The following SORBS2 variants were observed in gnomAD, a reference collection of about 807,000 sequenced individuals.
The protein encoded by SORBS2 is sorbin and SH3 domain containing 2.
SORBS2 carries 46 observed loss-of-function variants against 97.7 expected under a neutral mutation model. The observed-to-expected ratio is 0.47, with a 90% CI of 0.37 to 0.60. The LOEUF is 0.60. Among genes scored for constraint, SORBS2 ranks in the 20% least tolerant of loss-of-function variants. The probability of loss-of-function intolerance (pLI) is 0.00; values close to 1 mark genes in which losing one functional copy is unlikely to be tolerated. For synonymous variants in SORBS2, 476 were observed against 473.4 expected (o/e 1.01, Z -0.07); for missense variants, 1,316 against 1,282.3 (o/e 1.03, Z -0.40).
intron 2 of SORBS2, among the ~76,000 whole-genome samples, chr4:185,686,851 G>T (rs1390046729): frequency 6.6e-6 from 1 of 152,232 alleles, no homozygotes; most frequent in Non-Finnish European, 1.5e-5. Context: ...TCATGAGGGT[G>T]TTGGGGGGTA....
intron 1 of SORBS2, among the ~76,000 whole-genome samples, chr4:185,925,249 C>T (rs553221490): frequency 6.6e-6 from 1 of 152,124 alleles, no homozygotes; most frequent in African/African-American, 2.4e-5. Flanking sequence ...GAGAATATAT[C>T]CTCTAATGCC....
intron 1 of SORBS2, among the ~76,000 whole-genome samples, chr4:185,777,368 T>C (rs1199104778): frequency 6.6e-6 from 1 of 152,232 alleles, no homozygotes; most frequent in African/African-American, 2.4e-5. Flanking sequence ...ATGGTAATTC[T>C]ACTGGTAATA....
At chr4:185,720,588 T>A (rs2098504917) in intron 2 of SORBS2, among the ~76,000 whole-genome samples, 1 of 152,128 alleles carries the variant, frequency 6.6e-6, no homozygotes, top group Non-Finnish European at 1.5e-5. Flanking sequence ...CTTCCTTCCT[T>A]CCATGTATCT....
At chr4:185,745,636 G>A (rs1247286809) in intron 2 of SORBS2, among the ~76,000 whole-genome samples, 2 of 152,160 alleles carry the variant, frequency 1.3e-5, no homozygotes, top group Admixed American at 6.5e-5. Flanking sequence ...AGAATACTTA[G>A]ATTAATACTT....
At chr4:185,827,792 CCAT>C (rs1344955284) in intron 1 of SORBS2, among the ~76,000 whole-genome samples, 8 of 95,388 alleles carry the variant, frequency 8.4e-5, no homozygotes, top group Admixed American at 2.2e-4. Context: ...ATCATCGTCA[CCAT>C]CATCGTCATC....
chr4:185,859,414 C>G (rs916247409), intron 1 of SORBS2, among the ~76,000 whole-genome samples: 1 of 152,176 alleles, frequency 6.6e-6, no homozygotes, highest in African/African-American at 2.4e-5. Context: ...TCACACCCTG[C>G]GTTTCCCACA....
chr4:185,679,168 G>T (rs965631020), intron 2 of SORBS2, among the ~76,000 whole-genome samples: 1 of 152,102 alleles, frequency 6.6e-6, no homozygotes, highest in Admixed American at 6.5e-5. Flanking sequence ...TTTATAAACA[G>T]CACTAACTCA....
intron 2 of SORBS2, among the ~76,000 whole-genome samples, chr4:185,753,688 A>T (rs985772020): frequency 6.6e-6 from 1 of 152,212 alleles, no homozygotes; most frequent in African/African-American, 2.4e-5. Context: ...TGTCCAAAAG[A>T]CATACATGTA....
At position 185,775,395 on chromosome 4, in the gene SORBS2, A is replaced by C. The variant is rs2098994821; in HGVS notation, c.-337-29T>G. 6.6e-6 allele frequency: 1 copy of C among 152,584 alleles called. No individual in the cohort carries two copies. Among genetic ancestry groups the C allele is most frequent in the African/African-American group, 2.4e-5 (1 of 41,436 alleles). 9.5% of individuals were successfully genotyped at this position (152,584 alleles called of 1,614,324 possible). ...AAGGAAAAAAAGCAAGAGAGAGGCA[A>C]ATGAGAGAGGGAAAGAATCCCAGCT... On this transcript the variant is annotated intron_variant, in intron 1 of 20. Transcript: ENST00000284776.
At position 185,623,191 on chromosome 4, in the gene SORBS2, A is replaced by T. The variant is rs1406318778; in HGVS notation, c.1938T>A (p.Ile646=). Residue 646 remains isoleucine, a synonymous_variant, in exon 7 of 15, where the codon ATT becomes ATA. Transcript: ENST00000418609. The surrounding 1 kb of genome is among the most constrained non-coding windows in gnomAD (Gnocchi z 6.4). ...AGCTCCCCCTTTTCTTTTCAGCTTTAATTTGGTCACAGATGTCTTTAAGGG... is the reference window on the plus strand; with the variant it reads ...AGCTCCCCCTTTTCTTTTCAGCTTTTATTTGGTCACAGATGTCTTTAAGGG... 6.2e-7 allele frequency: 1 copy of T among 1,614,056 alleles called. No individual in the cohort carries two copies. Among genetic ancestry groups the T allele is most frequent in the South Asian group, 1.1e-5 (1 of 91,076 alleles).
intron 2 of SORBS2, among the ~76,000 whole-genome samples, chr4:185,683,192 A>G (rs999743387): frequency 2.0e-5 from 3 of 151,978 alleles, no homozygotes; most frequent in Admixed American, 6.6e-5. Context: ...CATTGTTATT[A>G]CTGAAGATTA....
chr4:185,771,848 G>T (rs2098973427), intron 2 of SORBS2: 1 of 152,136 alleles, frequency 6.6e-6, no homozygotes, highest in South Asian at 2.1e-4. Context: ...TTAGTGTCCT[G>T]GGTGGCTTAG....
At chr4:185,768,531 C>G (rs1045797648) in intron 2 of SORBS2, among the ~76,000 whole-genome samples, 115 of 151,930 alleles carry the variant, frequency 7.6e-4, no homozygotes, top group Non-Finnish European at 1.2e-3. Context: ...AAAACCCCAT[C>G]TCTTCTAAAA....
At chr4:185,670,333 C>A (rs1208064231) in intron 4 of SORBS2, among the ~76,000 whole-genome samples, 1 of 152,022 alleles carries the variant, frequency 6.6e-6, no homozygotes, top group Non-Finnish European at 1.5e-5. Context: ...ATGACTTAAA[C>A]ATTCTAGGAA....
chr4:185,885,020 C>A (rs2099238684), intron 1 of SORBS2, among the ~76,000 whole-genome samples: 1 of 152,122 alleles, frequency 6.6e-6, no homozygotes, highest in Non-Finnish European at 1.5e-5. Context: ...TCCACACCTG[C>A]CTGGACTTAT....
At chr4:185,659,664 A>G (rs1038482982), upstream of SORBS2, among the ~76,000 whole-genome samples, 3 of 150,816 alleles carry the variant, frequency 2.0e-5, no homozygotes, top group Admixed American at 6.6e-5. Context: ...CTCGTGATCC[A>G]CCCGCCTCGG....
At chr4:185,911,221 AT>A (rs2099254891) in intron 1 of SORBS2, among the ~76,000 whole-genome samples, 1 of 152,002 alleles carries the variant, frequency 6.6e-6, no homozygotes, top group African/African-American at 2.4e-5. Context: ...AGGCTTCAAA[AT>A]TATGATGATT....
chr4:185,612,057 GA>G, intron 11 of SORBS2, 77 bp from the exon 24 acceptor site: 1 of 1,108,378 alleles, frequency 9.0e-7, no homozygotes, highest in Non-Finnish European at 1.3e-6. Flanking sequence ...TGTTTTCTAT[GA>G]AAAAATAGGT....
intron 1 of SORBS2, among the ~76,000 whole-genome samples, chr4:185,866,220 T>C (rs963374320): frequency 2.6e-5 from 4 of 152,196 alleles, no homozygotes; most frequent in African/African-American, 7.2e-5. Context: ...GTACCAGTGC[T>C]GAGATTAAAT....
Sources: gnomAD v4.1 joint callset for allele counts (sites outside exome capture counted in the v4.1 genomes callset) on GRCh38, gnomAD v4.1.1 for gene constraint, Gnocchi (gnomAD v3.1) non-coding constraint, MANE v1.5 for transcripts, NCBI Gene and HGNC (gene_info 2026-07-23, HGNC 2026-07-21) for gene names.